TLE4: variants seen among roughly 807,000 people sequenced by gnomAD.
TLE4 encodes the protein transducin-like enhancer protein 4.
Under a neutral mutation model 92.8 loss-of-function variants are expected in TLE4, and 8 were observed. The observed-to-expected ratio is 0.09, with a 90% CI of 0.05 to 0.16. TLE4 has a LOEUF of 0.16. Among genes scored for constraint, TLE4 ranks in the 10% least tolerant of loss-of-function variants. The pLI is 1.00. For missense variants in TLE4, 675 were observed against 997.6 expected (o/e 0.68, Z 4.36); for synonymous variants, 371 against 374.1 (o/e 0.99, Z 0.10).
chr9:79,655,752 A>G (rs986808649), intron 8 of TLE4, among the ~76,000 whole-genome samples: 4 of 152,228 alleles, frequency 2.6e-5, no homozygotes, highest in African/African-American at 9.6e-5. Flanking sequence ...CCAGCCTTTG[A>G]AAGCCTGTCC....
chr9:79,631,616 ATG>A (rs57129541), intron 6 of TLE4, among the ~76,000 whole-genome samples: 6,689 of 118,100 alleles, frequency 0.057, 266 homozygotes, highest in African/African-American at 0.12. Context: ...TGAACCTTAA[ATG>A]TGTGTGTGTG....
intron 8 of TLE4, among the ~76,000 whole-genome samples, chr9:79,654,351 TA>T (rs1466885976): frequency 6.6e-6 from 1 of 150,856 alleles, no homozygotes; most frequent in Non-Finnish European, 1.5e-5. Context: ...GAAAAAAAAA[TA>T]ACTGCTTTTC....
At chr9:79,703,854 G>A (rs780515648) in intron 8 of TLE4, among the ~76,000 whole-genome samples, 4 of 152,136 alleles carry the variant, frequency 2.6e-5, no homozygotes, top group Admixed American at 2.6e-4. Context: ...ATGGCGCTGA[G>A]CAAAACTTCA....
chr9:79,718,797 T>C lies in TLE4; in HGVS notation c.1416T>C (p.Pro472=), dbSNP rs757688908. The C allele has an allele frequency of 2.0e-5, 33 of 1,614,038 alleles. No individual in the cohort carries two copies. Among genetic ancestry groups the C allele is most frequent in the Non-Finnish European group, 2.5e-5 (29 of 1,180,042 alleles). ...TTCCACCCGACGCCCTCATCGGACC[T>C]GGAATCCCCCGGCATGCTCGCCAGA... ...VPFPPDALIG[P]GIPRHARQIN... is the part of the protein sequence containing the mutation. Residue 472 remains proline (P), a synonymous_variant, in exon 15 of 20, where the codon CCT becomes CCC. Transcript: ENST00000376552.
At chr9:79,688,229 C>A (rs528153312) in intron 8 of TLE4, among the ~76,000 whole-genome samples, 46 of 152,272 alleles carry the variant, frequency 3.0e-4, no homozygotes, top group Non-Finnish European at 5.9e-5. Context: ...GCCTTCTCCC[C>A]TTCAACCCCC....
At chr9:79,717,782 G>A (rs530284323) in intron 14 of TLE4, among the ~76,000 whole-genome samples, 14 of 152,224 alleles carry the variant, frequency 9.2e-5, no homozygotes, top group South Asian at 2.1e-4. Context: ...CCCAAGCTCC[G>A]TGCCCAAGTA....
At chr9:79,572,962 C>T in intron 1 of TLE4, 127 bp downstream of exon 1, 2 of 987,316 alleles carry the variant, frequency 2.0e-6, no homozygotes, top group Non-Finnish European at 2.8e-6. Context: ...GCGCCCCGCG[C>T]CGGGAGCAGC....
At chr9:79,607,732 C>A (rs2047404643) in intron 4 of TLE4, among the ~76,000 whole-genome samples, 1 of 151,946 alleles carries the variant, frequency 6.6e-6, no homozygotes, top group Admixed American at 6.6e-5. Context: ...TTCCATTGGT[C>A]TATATCTCTG....
intron 6 of TLE4, among the ~76,000 whole-genome samples, chr9:79,650,306 T>A (rs1390586847): frequency 1.3e-5 from 2 of 152,160 alleles, no homozygotes; most frequent in Non-Finnish European, 2.9e-5. Flanking sequence ...TAGCTAGGAT[T>A]TGTGAGATGT....
At chr9:79,576,457 GTTA>G (rs1488576958) in intron 4 of TLE4, 2 of 236,826 alleles carry the variant, frequency 8.4e-6, no homozygotes, top group Admixed American at 1.1e-4. Context: ...AAATCCTCTT[GTTA>G]TTCTTCTGAA....
At chr9:79,683,772 G>C (rs2065219880) in intron 8 of TLE4, among the ~76,000 whole-genome samples, 1 of 152,168 alleles carries the variant, frequency 6.6e-6, no homozygotes, top group Non-Finnish European at 1.5e-5. Flanking sequence ...GACTCCTCTA[G>C]CTTTGTGACC....
intron 5 of TLE4, among the ~76,000 whole-genome samples, chr9:79,619,745 C>T (rs941766553): frequency 1.3e-5 from 2 of 152,158 alleles, no homozygotes; most frequent in African/African-American, 4.8e-5. Flanking sequence ...TGCCATATAT[C>T]GGAAGAATGT....
chr9:79,588,477 A>G (rs938821674), intron 4 of TLE4, among the ~76,000 whole-genome samples: 2 of 152,148 alleles, frequency 1.3e-5, no homozygotes, highest in African/African-American at 4.8e-5. Flanking sequence ...GAAAAAACAA[A>G]TCGTCTGCTT....
chr9:79,583,784 C>T (rs984811467), intron 4 of TLE4, among the ~76,000 whole-genome samples: 8 of 152,120 alleles, frequency 5.3e-5, no homozygotes, highest in African/African-American at 1.9e-4. Flanking sequence ...ATTATAAGCA[C>T]TAGTACTCTG....
intron 8 of TLE4, among the ~76,000 whole-genome samples, chr9:79,677,567 G>A (rs1436592701): frequency 6.6e-6 from 1 of 150,472 alleles, no homozygotes; most frequent in Non-Finnish European, 1.5e-5. Context: ...TTTTTGAATT[G>A]GTAATCATGG....
chr9:79,692,407 T>C (rs569994280), intron 8 of TLE4, among the ~76,000 whole-genome samples: 20 of 152,234 alleles, frequency 1.3e-4, no homozygotes, highest in Admixed American at 4.6e-4. Flanking sequence ...AGAGGAGACA[T>C]TCACAGCAGC....
chr9:79,688,701 T>G (rs1312338943), intron 8 of TLE4, among the ~76,000 whole-genome samples: 1 of 151,760 alleles, frequency 6.6e-6, no homozygotes, highest in Admixed American at 6.6e-5. Context: ...AAGAATGCCG[T>G]ATAAAACATC....
intron 4 of TLE4, among the ~76,000 whole-genome samples, chr9:79,593,614 T>C (rs778377667): frequency 6.6e-6 from 1 of 152,190 alleles, no homozygotes; most frequent in Non-Finnish European, 1.5e-5. Context: ...TAAAGAAAAT[T>C]AAACAATATT....
intron 4 of TLE4, among the ~76,000 whole-genome samples, chr9:79,593,936 C>G (rs564862972): frequency 6.6e-6 from 1 of 152,272 alleles, no homozygotes; most frequent in African/African-American, 2.4e-5. Flanking sequence ...AAATCTAGTC[C>G]TAATTCAGCC....
Sources: gnomAD v4.1 joint callset for allele counts (sites outside exome capture counted in the v4.1 genomes callset) on GRCh38, gnomAD v4.1.1 for gene constraint, MANE v1.5 for transcripts, NCBI Gene and HGNC (gene_info 2026-07-23, HGNC 2026-07-21) for gene names.